The following CTSZ variants were observed in gnomAD, a reference collection of about 807,000 sequenced individuals.
The protein encoded by CTSZ is carboxypeptidase LB.
A neutral mutation model predicts 32.4 loss-of-function variants in CTSZ; 39 were observed. The ratio of observed to expected loss-of-function variants is 1.20; its 90% CI spans 0.93 to 1.57. The LOEUF (loss-of-function observed/expected upper bound fraction) is 1.57, where lower values mean the gene tolerates loss of function less well. Ranked by LOEUF, CTSZ falls within the 40% of genes most tolerant of loss-of-function variation. CTSZ has a pLI of 0.00. For missense variants in CTSZ, 397 were observed against 419.6 expected, an observed-to-expected ratio of 0.95 and a Z score of 0.47; for synonymous variants, 168 against 170.1, an observed-to-expected ratio of 0.99 and a Z score of 0.10.
At chr20:59,001,759 C>T (rs1329053863) in intron 2 of CTSZ, 115 bp from the exon 3 acceptor site, 3 of 1,005,852 alleles carry the variant, frequency 3.0e-6, no homozygotes, top group Non-Finnish European at 4.4e-6. Flanking sequence ...CTGCCTTCAG[C>T]TCTGCCCAGC....
chr20:59,000,798 C>T (rs531415463), intron 3 of CTSZ, among the ~76,000 whole-genome samples: 202 of 151,900 alleles, frequency 1.3e-3, no homozygotes, highest in African/African-American at 4.3e-3. Flanking sequence ...CACTCTTCCA[C>T]GAGGCTGGAG....
chr20:58,999,617 GTGGTGCCCAGAGGA>G (rs1319480456), intron 3 of CTSZ, among the ~76,000 whole-genome samples: 1 of 152,244 alleles, frequency 6.6e-6, no homozygotes, highest in Non-Finnish European at 1.5e-5. Context: ...TTGGCAGAGG[GTGGTGCCCAGAGGA>G]CCTTCTGCCA....
intron 3 of CTSZ, among the ~76,000 whole-genome samples, chr20:58,998,646 C>A (rs185004798): frequency 3.4e-4 from 51 of 151,870 alleles, no homozygotes; most frequent in Middle Eastern, 3.4e-3. Flanking sequence ...TGGCTTGATA[C>A]CAGGAGTCTG....
Position 59,007,189 on chromosome 20 carries a change from C to T in CTSZ, c.-61G>A, listed in dbSNP as rs537586738. The T allele has an allele frequency of 2.6e-5, 33 of 1,292,332 alleles. No homozygotes were observed. The East Asian group carries it at 7.5e-4, about 30-fold the overall frequency. The allele number at this position is 1,292,332 out of a possible 1,614,324, so 80.1% of individuals were successfully genotyped here. On this transcript the variant is annotated 5_prime_UTR_variant, in exon 1 of 6. Coordinates refer to ENST00000217131, the MANE Select transcript of CTSZ (RefSeq NM_001336.4). The stretch of plus-strand genomic sequence containing the variant: ...CCGCTCCGAGTCCCAGATCCCGCGC[C>T]GGCTCCCGCTCTGGATCCCGCCCCG...
In CTSZ at chr20:59,001,611, G is replaced by A; in HGVS notation, c.341C>T (p.Pro114Leu). Residue 114 changes from proline to leucine, a missense_variant, in exon 3 of 6, where the codon CCC becomes CTC. By Grantham distance (98) the Pro-to-Leu change is moderately conservative. Coordinates refer to ENST00000217131, the MANE Select transcript of CTSZ (RefSeq NM_001336.4). The stretch of plus-strand genomic sequence containing the variant: ...GTTCTGCACGGACAGGAGGGTGGAG[G>A]GCCACGCTCCCTTCCTCTTGATGTT... Reference protein sequence around the residue: ...RINIKRKGAWPSTLLSVQNVI... With the variant: ...RINIKRKGAWLSTLLSVQNVI... The A allele has an allele frequency of 6.2e-7, 1 of 1,614,110 alleles. No homozygotes were observed. The highest frequency in any genetic ancestry group is 8.5e-7 in the Non-Finnish European group (1 of 1,179,990).
chr20:59,000,885 A>AGT (rs1409661540), intron 3 of CTSZ, among the ~76,000 whole-genome samples: 1 of 144,542 alleles, frequency 6.9e-6, no homozygotes, highest in Non-Finnish European at 1.5e-5. Context: ...GCTAGAGTGC[A>AGT]GTGGCGCGAT....
chr20:58,996,391 G>A (rs1225210089), intron 5 of CTSZ, among the ~76,000 whole-genome samples: 1 of 152,196 alleles, frequency 6.6e-6, no homozygotes, highest in Non-Finnish European at 1.5e-5. Context: ...ATTGCGGGGA[G>A]TCACCTAGTG....
chr20:59,000,407 T>A (rs1220499228), intron 3 of CTSZ, among the ~76,000 whole-genome samples: 1 of 152,144 alleles, frequency 6.6e-6, no homozygotes, highest in Non-Finnish European at 1.5e-5. Context: ...AAACAAAACC[T>A]ACCAATTATG....
At chr20:58,997,903 A>C in intron 3 of CTSZ, 150 bp from the exon 4 acceptor site, 1 of 622,578 alleles carries the variant, frequency 1.6e-6, no homozygotes, top group Non-Finnish European at 2.5e-6. Flanking sequence ...GTGCTGCTTA[A>C]TGACGCTCTT....
At chr20:58,997,166 A>C (rs1222033201) in intron 4 of CTSZ, among the ~76,000 whole-genome samples, 1 of 149,622 alleles carries the variant, frequency 6.7e-6, no homozygotes, top group Non-Finnish European at 1.5e-5. Context: ...TGTTTCAAAA[A>C]AAAAAAAAAA....
At position 58,995,584 on chromosome 20, in the gene CTSZ, A is replaced by G. The variant is rs2091854224; in HGVS notation, c.*65T>C. On this transcript the variant is annotated 3_prime_UTR_variant, in exon 6 of 6. Transcript: ENST00000217131. ...GCCAGCCAGCCTGGCACACATAACCATAGGATCCCCTCTGGTCATGGGTCA... is the reference window on the plus strand; with the variant it reads ...GCCAGCCAGCCTGGCACACATAACCGTAGGATCCCCTCTGGTCATGGGTCA... 6.8e-7 allele frequency: 1 copy of G among 1,471,470 alleles called. No individual in the cohort carries two copies. The highest frequency in any genetic ancestry group is 1.4e-5 in the African/African-American group (1 of 72,172). 91.2% of individuals were successfully genotyped at this position (1,471,470 alleles called of 1,614,324 possible). A position where few individuals can be genotyped will look rare whatever the true frequency, so the allele number is the denominator to read the frequency against.
At chr20:59,005,019 C>T (rs939820401) in intron 2 of CTSZ, among the ~76,000 whole-genome samples, 30 of 152,192 alleles carry the variant, frequency 2.0e-4, no homozygotes, top group African/African-American at 6.7e-4. Context: ...CTATTCTCCC[C>T]TCACCCTCAC....
Position 58,998,908 on chromosome 20 carries a change from G to A in CTSZ, c.488-1155C>T, listed in dbSNP as rs73297230. ...TGAGCACCTTGAGGCTCAGACACTGGTTCAATTTGTTCCTTGCACACCAAG... is the reference window on the plus strand; with the variant it reads ...TGAGCACCTTGAGGCTCAGACACTGATTCAATTTGTTCCTTGCACACCAAG... On this transcript the variant is annotated intron_variant, in intron 3 of 5. Coordinates refer to ENST00000217131, the MANE Select transcript of CTSZ (RefSeq NM_001336.4). 5.9e-3 allele frequency among the ~76,000 whole-genome samples: 896 copies of A among 152,350 alleles called. 10 individuals carry two copies. The highest frequency in any genetic ancestry group is 0.021 in the African/African-American group (857 of 41,594).
chr20:58,997,383 CTG>C (rs922094905), intron 4 of CTSZ: 8 of 403,524 alleles, frequency 2.0e-5, no homozygotes, highest in Admixed American at 4.4e-5. Context: ...TCTGAGAAAA[CTG>C]AAGTTCTTAG....
rs936928591 is a variant in CTSZ at position 59,002,030 on chromosome 20, G to A, written c.308-386C>T. Among the ~76,000 whole-genome samples, 1 of 152,266 alleles carries A rather than the reference G, an allele frequency of 6.6e-6. No individual in the cohort carries two copies. Among genetic ancestry groups the A allele is most frequent in the Admixed American group, 6.5e-5 (1 of 15,290 alleles). On this transcript the variant is annotated intron_variant, in intron 2 of 5. Coordinates refer to ENST00000217131, the MANE Select transcript of CTSZ (RefSeq NM_001336.4). This position sits in a 1 kb window ranked among gnomAD's most constrained non-coding sequence, Gnocchi z 4.1. The stretch of plus-strand genomic sequence containing the variant: ...GCAAGTGGGCCACACCCCAAAGCCA[G>A]CCAGGAGAGACCGTCCCTGCCCTCG...
rs200241491 is a variant in CTSZ, at chr20:58,997,639, T to A, written c.602A>T (p.Lys201Met). 46 of 1,605,170 alleles carry A rather than the reference T, an allele frequency of 2.9e-5. No individual in the cohort carries two copies. The highest frequency in any genetic ancestry group is 6.7e-5 in the East Asian group (3 of 44,502). ...GDYGSLSGRE[K>M]MMAEIYANGP... is the part of the protein sequence containing the mutation. The stretch of plus-strand genomic sequence containing the variant: ...ATTTGCATAGATTTCTGCCATCATC[T>A]TCTCCCTCCCAGAGAGGGAGCCGTA... Residue 201 changes from lysine to methionine, a missense_variant, in exon 4 of 6, where the codon AAG (lysine) becomes ATG (methionine). Physicochemically the swap from Lys to Met is moderately conservative, Grantham distance 95. Transcript: ENST00000217131.
At chr20:58,996,162 C>G (rs2091858773) in intron 5 of CTSZ, among the ~76,000 whole-genome samples, 1 of 152,202 alleles carries the variant, frequency 6.6e-6, no homozygotes, top group Non-Finnish European at 1.5e-5. Flanking sequence ...ATGGCTAAGA[C>G]TAGGTCTGGC....
In CTSZ at chr20:58,996,578, CGA is replaced by C. The variant is rs2091861513; in HGVS notation, c.801+59_801+60del. 6 of 1,550,848 alleles carry C rather than the reference CGA, an allele frequency of 3.9e-6. No individual in the cohort carries two copies. In the East Asian group the frequency reaches 1.1e-4, roughly 29 times the overall value. ...CTAAACGTAAACAGAACCATTCAAG[CGA>C]GAGGAGTACCAGGACGTTTTTTTCT... is the stretch of plus-strand genomic sequence containing the variant. On this transcript the variant is annotated intron_variant, in intron 5 of 5. Coordinates refer to ENST00000217131, the MANE Select transcript of CTSZ (RefSeq NM_001336.4).
chr20:58,998,260 A>G (rs2091870367), intron 3 of CTSZ, among the ~76,000 whole-genome samples: 2 of 149,728 alleles, frequency 1.3e-5, no homozygotes, highest in Non-Finnish European at 3.0e-5. Context: ...CTTAAAAAAT[A>G]AAATAAAGAG....
Sources: allele counts gnomAD v4.1 joint callset (sites outside exome capture counted in the v4.1 genomes callset), GRCh38; gene constraint gnomAD v4.1.1; non-coding constraint Gnocchi (gnomAD v3.1); transcripts MANE v1.5; gene names NCBI Gene and HGNC (gene_info 2026-07-23, HGNC 2026-07-21).